PCED1A: variants seen among roughly 807,000 people sequenced by gnomAD.
PCED1A encodes the protein PC-esterase domain containing 1A.
PCED1A carries 20 observed loss-of-function variants against 41.9 expected under a neutral mutation model. The observed-to-expected ratio is 0.48, with a 90% confidence interval of 0.34 to 0.69. The LOEUF (loss-of-function observed/expected upper bound fraction) is 0.69. Ranked by LOEUF, PCED1A falls within the 30% of genes least tolerant of loss-of-function variation. The pLI is 0.01. For missense variants in PCED1A, 498 were observed against 602.1 expected, an observed-to-expected ratio of 0.83 and a Z score of 1.81; for synonymous variants, 236 against 241.3, an observed-to-expected ratio of 0.98 and a Z score of 0.20.
Position 2,835,700 on chromosome 20 carries a change from G to A in PCED1A, c.1127C>T (p.Pro376Leu). 1 of 1,554,802 alleles carries A rather than the reference G, an allele frequency of 6.4e-7. No homozygotes were observed. The highest frequency in any genetic ancestry group is 8.7e-7 in the Non-Finnish European group (1 of 1,145,906). ...FSMPPHLGCG[P>L]GVNFVPGPLP... ...AGGGCCAGGCACAAAGTTCACTCCA[G>A]GGCCACATCCTACAAAAGAACCAGT... is the stretch of plus-strand genomic sequence containing the variant. Residue 376 changes from proline (P) to leucine (L), a missense_variant, in exon 8 of 8, where the codon CCT becomes CTT. Coordinates refer to ENST00000360652, the MANE Select transcript of PCED1A (RefSeq NM_022760.6).
upstream of PCED1A, chr20:2,840,658 TGGCCGCGGCGGC>T (rs1333328680): frequency 8.6e-7 from 1 of 1,167,320 alleles, no homozygotes; most frequent in African/African-American, 1.5e-5. Flanking sequence ...ACAGTGGTGA[TGGCCGCGGCGGC>T]GGCCTCGCCA....
At position 2,838,483 on chromosome 20, in the gene PCED1A, G is replaced by T. The variant is rs368348933; in HGVS notation, c.595-5C>A. On this transcript the variant is annotated splice_region_variant and splice_polypyrimidine_tract_variant and intron_variant, in intron 5 of 7. Transcript: ENST00000360652. This position sits in a 1 kb window ranked among gnomAD's most constrained non-coding sequence, Gnocchi z 5.8. The stretch of plus-strand genomic sequence containing the variant: ...GGAGCCTGCCAGGGGCTGGAGCTAA[G>T]TGAGAAAGTGCAGCCTCTAAGAGCC... The T allele has an allele frequency of 1.2e-6, 2 of 1,614,204 alleles. No individual in the cohort carries two copies. The highest frequency in any genetic ancestry group is 4.5e-5 in the East Asian group (2 of 44,884).
rs931499954 is a variant in PCED1A, at chr20:2,836,223, G to A, written c.933C>T (p.Leu311=). The stretch of plus-strand genomic sequence containing the variant: ...GAGGCAAAGAAGAAGGTGGGGGTGG[G>A]AGCAAGGCCAGGTGCTCCCCGAAGT... The part of the protein sequence containing the change: ...TPDFGEHLAL[L]PPPPSSLPPP... The change falls in exon 7 of 8, where the codon CTC becomes CTT. Residue 311 remains leucine (L), a synonymous_variant. Coordinates refer to ENST00000360652, the MANE Select transcript of PCED1A (RefSeq NM_022760.6). 4.5e-6 allele frequency: 7 copies of A among 1,544,184 alleles called. No homozygotes were observed. Among genetic ancestry groups the A allele is most frequent in the South Asian group, 1.1e-5 (1 of 89,788 alleles).
At chr20:2,840,835 GCCCC>G, upstream of PCED1A, 1 of 1,524,340 alleles carries the variant, frequency 6.6e-7, no homozygotes. Context: ...CCGGTGAGCT[GCCCC>G]GCCCTCCCGC....
In PCED1A at chr20:2,840,436, G is replaced by T; in HGVS notation, c.-247C>A. ...CGAGCGTCGCTGTGGCCCCGACGGC[G>T]CCTCAGGCCTCGGCGCCTCGGGCTG... On this transcript the variant is annotated 5_prime_UTR_variant, in exon 1 of 8. Coordinates refer to ENST00000360652, the MANE Select transcript of PCED1A (RefSeq NM_022760.6). 1 of 403,472 alleles carries T rather than the reference G, an allele frequency of 2.5e-6. No homozygotes were observed. The highest frequency in any genetic ancestry group is 4.5e-6 in the Non-Finnish European group (1 of 223,346). The allele number at this position is 403,472 out of a possible 1,614,324, so 25.0% of individuals were successfully genotyped here. A position where few individuals can be genotyped will look rare whatever the true frequency, so the allele number is the denominator to read the frequency against.
chr20:2,840,617 G>A lies in PCED1A; in HGVS notation c.-428C>T. ...GCGCGAAGCCCAGGTACGGGCTGGG[G>A]TCTCGGGGCGGCAGCCAAGTGAGGC... On this transcript the variant is annotated 5_prime_UTR_variant, in exon 1 of 8. Transcript: ENST00000360652. The A allele has an allele frequency of 1.3e-6, 1 of 782,170 alleles. No individual in the cohort carries two copies. Among genetic ancestry groups the A allele is most frequent in the Non-Finnish European group, 2.1e-6 (1 of 474,232 alleles). 48.5% of individuals were successfully genotyped at this position (782,170 alleles called of 1,614,324 possible). A position where few individuals can be genotyped will look rare whatever the true frequency, so the allele number is the denominator to read the frequency against.
At chr20:2,840,760 C>G, upstream of PCED1A, 1 of 1,547,986 alleles carries the variant, frequency 6.5e-7, no homozygotes, top group Non-Finnish European at 8.7e-7. Flanking sequence ...TTCCCAGCTG[C>G]CGTCTGCACC....
At chr20:2,837,377 A>G (rs2088852362) in intron 6 of PCED1A, among the ~76,000 whole-genome samples, 1 of 152,134 alleles carries the variant, frequency 6.6e-6, no homozygotes, top group South Asian at 2.1e-4. Context: ...CCCATTCAAC[A>G]AATACAATTC....
Position 2,836,175 on chromosome 20 carries a change from C to T in PCED1A, c.981G>A (p.Pro327=), listed in dbSNP as rs2274669. 341,302 of 1,492,892 alleles carry T rather than the reference C, an allele frequency of 0.23. 38,788 individuals are homozygous for T. Among genetic ancestry groups the T allele is most frequent in the East Asian group, 0.38 (14,863 of 39,476 alleles). 92.5% of individuals were successfully genotyped at this position (1,492,892 alleles called of 1,614,324 possible). ...SLPPPMPFPY[P]LPQPSPPPLF... ...GGGGAGGTGGCGAGGGCTGAGGAAG[C>T]GGGTAGGGAAAAGGCATGGGAGGAG... Residue 327 remains proline, a synonymous_variant, in exon 7 of 8, where the codon CCG becomes CCA. Coordinates refer to ENST00000360652, the MANE Select transcript of PCED1A (RefSeq NM_022760.6).
In PCED1A at chr20:2,838,366, C is replaced by T. The variant is rs370972480; in HGVS notation, c.707G>A (p.Arg236Gln). 3.1e-6 allele frequency: 5 copies of T among 1,614,118 alleles called. No homozygotes were observed. The highest frequency in any genetic ancestry group is 1.3e-5 in the African/African-American group (1 of 74,932). Reference protein sequence around the residue: ...FDVLDLHFHFRHAVQHRHRDG... With the variant: ...FDVLDLHFHFQHAVQHRHRDG... ...CCGATGACGGTGCTGTACTGCATGC[C>T]GGAAGTGAAAGTGGAGGTCTAGGAC... The change falls in exon 6 of 8, where the codon CGG becomes CAG. Residue 236 changes from arginine (R) to glutamine (Q), a missense_variant. Arg to Gln is a conservative substitution (Grantham distance 43, BLOSUM62 1). This residue lies in a region of PCED1A where 253 missense variants were observed against 369.7 expected (regional missense o/e 0.68). Transcript: ENST00000360652. The surrounding 1 kb of genome is among the most constrained non-coding windows in gnomAD (Gnocchi z 5.8).
Position 2,838,343 on chromosome 20 carries a change from G to A in PCED1A, c.730C>T (p.Arg244Trp), listed in dbSNP as rs1177223023. The A allele has an allele frequency of 1.2e-5, 19 of 1,614,140 alleles. No homozygotes were observed. Among genetic ancestry groups the A allele is most frequent in the Admixed American group, 1.7e-5 (1 of 60,016 alleles). ...HFRHAVQHRH[R>W]DGVHWDQHAH... ...TGCTGGTCCCAGTGGACACCATCCC[G>A]ATGACGGTGCTGTACTGCATGCCGG... The change falls in exon 6 of 8, where the codon CGG (arginine) becomes TGG (tryptophan). Residue 244 changes from arginine (R) to tryptophan (W), a missense_variant. Physicochemically the swap from Arg to Trp is moderately radical, Grantham distance 101. Coordinates refer to ENST00000360652, the MANE Select transcript of PCED1A (RefSeq NM_022760.6). The surrounding 1 kb of genome is among the most constrained non-coding windows in gnomAD (Gnocchi z 5.8).
At chr20:2,840,779 A>G, upstream of PCED1A, 10 of 1,548,522 alleles carry the variant, frequency 6.5e-6, no homozygotes, top group Non-Finnish European at 7.8e-6. Flanking sequence ...CCAGCCATGG[A>G]CTGCTACACG....
chr20:2,839,740 G>C (rs955400678), intron 2 of PCED1A, 49 bp downstream of exon 2: 5 of 1,603,896 alleles, frequency 3.1e-6, no homozygotes, highest in South Asian at 1.1e-5. Flanking sequence ...CACACTGAAC[G>C]GGCTGCAAGG....
intron 6 of PCED1A, 53 bp from the exon 7 acceptor site, chr20:2,836,367 C>T: frequency 6.8e-7 from 1 of 1,467,302 alleles, no homozygotes; most frequent in East Asian, 2.3e-5. Context: ...CTGCCCTGAA[C>T]TCTGGCCATC....
intron 3 of PCED1A, 26 bp downstream of exon 3, chr20:2,839,163 CACT>C (rs1303861493): frequency 1.2e-6 from 2 of 1,612,874 alleles, no homozygotes; most frequent in Non-Finnish European, 1.7e-6. Context: ...GCCCACCCAC[CACT>C]GACATGGCCA....
chr20:2,839,326 C>G, intron 2 of PCED1A, 55 bp from the exon 3 acceptor site: 1 of 1,550,574 alleles, frequency 6.4e-7, no homozygotes, highest in East Asian at 2.2e-5. Context: ...GCCCCAGCTC[C>G]TTCCAAGTCC....
chr20:2,836,825 A>T (rs1254741109), intron 6 of PCED1A, among the ~76,000 whole-genome samples: 1 of 152,148 alleles, frequency 6.6e-6, no homozygotes, highest in Admixed American at 6.6e-5. Context: ...CAGTCATGTG[A>T]CACTGCCAGC....
In PCED1A at chr20:2,839,672, T is replaced by G. The variant is rs909406311; in HGVS notation, c.124+117A>C. The G allele has an allele frequency of 2.8e-6, 4 of 1,437,358 alleles. No homozygotes were observed. In the Admixed American group the frequency reaches 6.5e-5, roughly 23 times the overall value. 89.0% of individuals were successfully genotyped at this position (1,437,358 alleles called of 1,614,324 possible). ...TGGGACATAAAAAGAGAAAACCTAC[T>G]GGACGGAACAGACCAGAAGACAGAC... On this transcript the variant is annotated intron_variant, in intron 2 of 7. Coordinates refer to ENST00000360652, the MANE Select transcript of PCED1A (RefSeq NM_022760.6).
In PCED1A at chr20:2,838,690, C is replaced by T. The variant is rs768737895; in HGVS notation, c.500G>A (p.Arg167His). 20 of 1,614,070 alleles carry T rather than the reference C, an allele frequency of 1.2e-5. No homozygotes were observed. The highest frequency in any genetic ancestry group is 3.3e-5 in the South Asian group (3 of 91,090). The stretch of plus-strand genomic sequence containing the variant: ...GGAGTCTGGCAATACTTGGTCCATG[C>T]GCACAAACACCCGCTCCAGGTTCTC... ...YRENLERVFV[R>H]MDQVLPDSCL... Residue 167 changes from arginine (R) to histidine (H), a missense_variant, in exon 5 of 8, where the codon CGC becomes CAC. By Grantham distance (29) the Arg-to-His change is conservative (BLOSUM62 0). This residue lies in a region of PCED1A where 253 missense variants were observed against 369.7 expected (regional missense o/e 0.68). Coordinates refer to ENST00000360652, the MANE Select transcript of PCED1A (RefSeq NM_022760.6). The surrounding 1 kb of genome is among the most constrained non-coding windows in gnomAD (Gnocchi z 5.8).
Sources: allele counts gnomAD v4.1 joint callset (sites outside exome capture counted in the v4.1 genomes callset), GRCh38; gene constraint gnomAD v4.1.1; regional missense constraint gnomAD v4.1.1; non-coding constraint Gnocchi (gnomAD v3.1); transcripts MANE v1.5; gene names NCBI Gene and HGNC (gene_info 2026-07-23, HGNC 2026-07-21).